The following RORA variants were observed in gnomAD, a reference collection of about 807,000 sequenced individuals.
RORA encodes RAR related orphan receptor A, also known as nuclear receptor ROR-alpha.
A neutral mutation model predicts 69.5 loss-of-function variants in RORA; 7 were observed. That is an observed-to-expected ratio of 0.10 (90% CI 0.06 to 0.19). The LOEUF (loss-of-function observed/expected upper bound fraction) is 0.19, where lower values mean the gene tolerates loss of function less well. Among genes scored for constraint, RORA ranks in the 10% least tolerant of loss-of-function variants. The pLI is 1.00. For synonymous variants in RORA, 261 were observed against 240.8 expected (o/e 1.08, Z -0.78); for missense variants, 457 against 663.0 (o/e 0.69, Z 3.41).
At chr15:60,518,405 G>A (rs1217831624) in intron 3 of RORA, among the ~76,000 whole-genome samples, 1 of 152,240 alleles carries the variant, frequency 6.6e-6, no homozygotes, top group Non-Finnish European at 1.5e-5. Flanking sequence ...CTGAGTACTT[G>A]TAGTAACCAT....
intron 1 of RORA, among the ~76,000 whole-genome samples, chr15:61,054,965 T>C (rs1223693157): frequency 1.3e-5 from 2 of 152,082 alleles, no homozygotes; most frequent in Non-Finnish European, 2.9e-5. Flanking sequence ...GCTTCCTGAA[T>C]AGCTGGGACT....
intron 2 of RORA, among the ~76,000 whole-genome samples, chr15:60,539,934 C>G (rs1250913111): frequency 1.3e-5 from 2 of 151,864 alleles, no homozygotes. Flanking sequence ...TTTCTAGGAC[C>G]CTGGGATCAG....
At chr15:61,180,214 G>T (rs983787546) in intron 1 of RORA, among the ~76,000 whole-genome samples, 1 of 148,258 alleles carries the variant, frequency 6.7e-6, no homozygotes, top group Non-Finnish European at 1.5e-5. Context: ...TACCAGTTAA[G>T]TATGACTTAA....
intron 1 of RORA, among the ~76,000 whole-genome samples, chr15:60,750,293 C>T (rs968255526): frequency 1.3e-5 from 2 of 152,206 alleles, no homozygotes; most frequent in African/African-American, 4.8e-5. Flanking sequence ...CTCCACCATG[C>T]CACTGGTCTC....
Position 61,211,575 on chromosome 15 carries a change from A to G in RORA, c.166+17478T>C, listed in dbSNP as rs565856588. 7.9e-5 allele frequency among the ~76,000 whole-genome samples: 12 copies of G among 152,358 alleles called. No individual in the cohort carries two copies. The East Asian group carries it at 2.1e-3, about 27-fold the overall frequency. ...GAAGGCCTCTAATTTCACAGCACAGAGATAACACAAATAATTCATATGACA... is the reference window on the plus strand; with the variant it reads ...GAAGGCCTCTAATTTCACAGCACAGGGATAACACAAATAATTCATATGACA... On this transcript the variant is annotated intron_variant, in intron 1 of 10. Transcript: ENST00000335670.
intron 1 of RORA, among the ~76,000 whole-genome samples, chr15:60,714,760 C>G (rs1286241910): frequency 6.6e-6 from 1 of 152,098 alleles, no homozygotes; most frequent in Non-Finnish European, 1.5e-5. Flanking sequence ...CCTTTTCAAT[C>G]TGAAAATATA....
chr15:60,822,047 G>T, intron 1 of RORA, among the ~76,000 whole-genome samples: 1 of 152,308 alleles, frequency 6.6e-6, no homozygotes, highest in Middle Eastern at 3.4e-3. Flanking sequence ...TATATACACT[G>T]TGTAGTCCAA....
At chr15:60,604,047 C>T (rs551013039) in intron 2 of RORA, among the ~76,000 whole-genome samples, 200 of 149,254 alleles carry the variant, frequency 1.3e-3, no homozygotes, top group Admixed American at 3.1e-3. Flanking sequence ...GCAGGAGAAT[C>T]GCTTGACCCT....
intron 1 of RORA, among the ~76,000 whole-genome samples, chr15:60,776,393 G>C (rs760846681): frequency 3.9e-5 from 6 of 152,190 alleles, no homozygotes; most frequent in Admixed American, 2.6e-4. Context: ...GCGGAACTCT[G>C]TCCAGGCATT....
chr15:60,984,185 C>T (rs1333021606), intron 1 of RORA, among the ~76,000 whole-genome samples: 1 of 151,944 alleles, frequency 6.6e-6, no homozygotes, highest in Non-Finnish European at 1.5e-5. Flanking sequence ...CATATAGCAC[C>T]CCGATTGAGT....
chr15:60,977,399 GTATA>G (rs1293470805), intron 1 of RORA, among the ~76,000 whole-genome samples: 1 of 151,844 alleles, frequency 6.6e-6, no homozygotes, highest in Non-Finnish European at 1.5e-5. Context: ...ATTTAAGTAA[GTATA>G]TAATTATACT....
intron 1 of RORA, among the ~76,000 whole-genome samples, chr15:60,719,920 G>C (rs1374589424): frequency 6.6e-6 from 1 of 152,090 alleles, no homozygotes; most frequent in African/African-American, 2.4e-5. Context: ...CTAAATATAC[G>C]GGGCGTAGCT....
chr15:60,725,713 C>T (rs2071348480), intron 1 of RORA, among the ~76,000 whole-genome samples: 1 of 152,176 alleles, frequency 6.6e-6, no homozygotes, highest in South Asian at 2.1e-4. Context: ...GACAAGAGAT[C>T]ATTGTGACTT....
At chr15:60,536,659 A>G (rs578122090) in intron 2 of RORA, among the ~76,000 whole-genome samples, 2 of 152,382 alleles carry the variant, frequency 1.3e-5, no homozygotes, top group South Asian at 2.1e-4. Flanking sequence ...CTCTAGCTCA[A>G]TTGCACAACC....
chr15:60,643,337 A>G (rs2069979218), intron 2 of RORA, among the ~76,000 whole-genome samples: 1 of 152,180 alleles, frequency 6.6e-6, no homozygotes, highest in Non-Finnish European at 1.5e-5. Context: ...GAGAACTTTG[A>G]ATTTCAAAAG....
chr15:61,003,159 G>C (rs1377914868), intron 1 of RORA, among the ~76,000 whole-genome samples: 1 of 149,760 alleles, frequency 6.7e-6, no homozygotes, highest in South Asian at 2.1e-4. Context: ...GGAAAAAAAA[G>C]AAAAGAAAAT....
chr15:60,561,740 T>C (rs1326366766), intron 2 of RORA, among the ~76,000 whole-genome samples: 1 of 152,068 alleles, frequency 6.6e-6, no homozygotes, highest in African/African-American at 2.4e-5. Context: ...CAGAACCATA[T>C]GAGCTATATA....
chr15:61,210,045 T>C (rs558702585), intron 1 of RORA, among the ~76,000 whole-genome samples: 5 of 152,236 alleles, frequency 3.3e-5, no homozygotes, highest in Non-Finnish European at 5.9e-5. Context: ...ACTGCTTCAC[T>C]TTTCAGGTCT....
In RORA at chr15:60,597,631, TAC is replaced by T. The variant is rs201187238; in HGVS notation, c.197-65782_197-65781del. 3.9e-3 allele frequency among the ~76,000 whole-genome samples: 200 copies of T among 51,432 alleles called. 2 individuals are homozygous for T. Among genetic ancestry groups the T allele is most frequent in the African/African-American group, 6.3e-3 (68 of 10,830 alleles). The allele number at this position is 51,432 out of a possible 152,430, so 33.7% of individuals were successfully genotyped here. A position where few individuals can be genotyped will look rare whatever the true frequency, so the allele number is the denominator to read the frequency against. On this transcript the variant is annotated intron_variant, in intron 2 of 10. Coordinates refer to ENST00000335670, the MANE Select transcript of RORA (RefSeq NM_134261.3). ...ATATATATATATACATACATATATA[TAC>T]ATATATATATATATATGTAAGCAAA...
Sources: gnomAD v4.1 joint callset for allele counts (sites outside exome capture counted in the v4.1 genomes callset) on GRCh38, gnomAD v4.1.1 for gene constraint, MANE v1.5 for transcripts, NCBI Gene and HGNC (gene_info 2026-07-23, HGNC 2026-07-21) for gene names.